The following TMEM131 variants were observed in gnomAD, a reference collection of about 807,000 sequenced individuals.
TMEM131 encodes transmembrane protein 131.
In TMEM131, 66 loss-of-function variants were observed where a neutral mutation model predicts 211.6. The observed-to-expected ratio is 0.31, with a 90% CI of 0.26 to 0.38. The LOEUF (loss-of-function observed/expected upper bound fraction) is 0.38, where lower values mean the gene tolerates loss of function less well. TMEM131 is among the 10% of genes least tolerant of loss of function. The pLI is 1.00. For synonymous variants in TMEM131, 844 were observed against 841.3 expected (o/e 1.00, Z -0.06); for missense variants, 2,036 against 2,299.3 (o/e 0.89, Z 2.34).
At chr2:97,781,072 G>A (rs926664185) in intron 31 of TMEM131, among the ~76,000 whole-genome samples, 1 of 152,136 alleles carries the variant, frequency 6.6e-6, no homozygotes. Flanking sequence ...CAATCATTCG[G>A]GTCTGTCTCT....
intron 1 of TMEM131, among the ~76,000 whole-genome samples, chr2:97,944,451 A>G (rs1414140837): frequency 6.6e-6 from 1 of 152,240 alleles, no homozygotes; most frequent in Non-Finnish European, 1.5e-5. Context: ...GTAAGCAAAG[A>G]CAACACAGAT....
rs75842788 is a variant in TMEM131, at chr2:97,830,592, A to C, written c.1074+2773T>G. 5.9e-5 allele frequency among the ~76,000 whole-genome samples: 9 copies of C among 152,364 alleles called. No homozygotes were observed. In the East Asian group the frequency reaches 1.7e-3, roughly 29 times the overall value. On this transcript the variant is annotated intron_variant, in intron 11 of 40. Transcript: ENST00000186436. ...AATTTGTGTATGAGTTCACTAAAGC[A>C]TATGTTAAGCTGATATTATGATTCC...
chr2:97,912,813 A>G (rs1676340559), intron 2 of TMEM131, among the ~76,000 whole-genome samples: 2 of 152,210 alleles, frequency 1.3e-5, no homozygotes, highest in Non-Finnish European at 2.9e-5. Context: ...TAATCTGAGC[A>G]CAGCTTCTCT....
chr2:97,955,364 G>T (rs985561704), intron 1 of TMEM131, among the ~76,000 whole-genome samples: 1 of 152,092 alleles, frequency 6.6e-6, no homozygotes, highest in Non-Finnish European at 1.5e-5. Context: ...ATACCTTAAT[G>T]GTGAAAGAAT....
chr2:97,959,549 A>G (rs1034352811), intron 1 of TMEM131, among the ~76,000 whole-genome samples: 10 of 145,256 alleles, frequency 6.9e-5, no homozygotes, highest in Admixed American at 1.4e-4. Flanking sequence ...AAAAATATAT[A>G]TATGTCTGCG....
At position 97,811,913 on chromosome 2, in the gene TMEM131, CTT is replaced by C. The variant is rs1462936961; in HGVS notation, c.1863+506_1863+507del. ...GCTGAAACTAATAAATTTGTTTTCTCTTGTTTAGCGCTCTCTGACAACCAACT... is the reference window on the plus strand; with the variant it reads ...GCTGAAACTAATAAATTTGTTTTCTCGTTTAGCGCTCTCTGACAACCAACT... On this transcript the variant is annotated intron_variant, in intron 17 of 40. Transcript: ENST00000186436. Among the ~76,000 whole-genome samples the C allele has an allele frequency of 2.0e-5, 3 of 152,084 alleles. No homozygotes were observed. The East Asian group carries it at 5.8e-4, about 29-fold the overall frequency.
chr2:97,791,777 T>A (rs1680507830), intron 31 of TMEM131, among the ~76,000 whole-genome samples: 2 of 152,174 alleles, frequency 1.3e-5, no homozygotes, highest in African/African-American at 2.4e-5. Flanking sequence ...AGGTAATTAA[T>A]ACAGTAAGCA....
chr2:97,922,563 T>A (rs2104423683), intron 2 of TMEM131, among the ~76,000 whole-genome samples: 1 of 152,082 alleles, frequency 6.6e-6, no homozygotes, highest in African/African-American at 2.4e-5. Context: ...ACAGTTACAC[T>A]CAACACATAA....
intron 1 of TMEM131, among the ~76,000 whole-genome samples, chr2:97,977,397 C>T (rs1679589483): frequency 1.3e-5 from 2 of 152,120 alleles, no homozygotes; most frequent in Admixed American, 1.3e-4. Flanking sequence ...GGCAAATAAG[C>T]ACATGAAAAG....
At chr2:97,866,928 T>A (rs190302954) in intron 4 of TMEM131, among the ~76,000 whole-genome samples, 14 of 152,250 alleles carry the variant, frequency 9.2e-5, no homozygotes, top group Non-Finnish European at 1.8e-4. Context: ...ATTACACTTA[T>A]CAGTTAAGCA....
intron 12 of TMEM131, among the ~76,000 whole-genome samples, chr2:97,818,137 A>C (rs1394558397): frequency 1.3e-5 from 2 of 152,218 alleles, no homozygotes; most frequent in Non-Finnish European, 2.9e-5. Flanking sequence ...TAACTGGACA[A>C]TTCTGTCATA....
At chr2:97,759,243 G>A (rs1257497574) in intron 39 of TMEM131, 190 bp from the exon 40 acceptor site, 14 of 643,524 alleles carry the variant, frequency 2.2e-5, no homozygotes, top group South Asian at 5.9e-5. Flanking sequence ...CATAGTGCAC[G>A]AGCTGATATG....
chr2:97,902,782 C>T (rs1675910667), intron 3 of TMEM131, among the ~76,000 whole-genome samples: 2 of 152,112 alleles, frequency 1.3e-5, no homozygotes, highest in South Asian at 4.1e-4. Context: ...CTGGTGGGCA[C>T]AATCTAATCA....
chr2:97,928,700 G>C (rs1677092488), intron 1 of TMEM131, among the ~76,000 whole-genome samples: 1 of 151,696 alleles, frequency 6.6e-6, no homozygotes, highest in Non-Finnish European at 1.5e-5. Flanking sequence ...TTTCCCATGG[G>C]AGTTTGGGTT....
chr2:97,848,038 GAATT>G (rs1683530334), intron 5 of TMEM131, among the ~76,000 whole-genome samples: 1 of 152,092 alleles, frequency 6.6e-6, no homozygotes, highest in African/African-American at 2.4e-5. Flanking sequence ...CTAATTCTAA[GAATT>G]AATATAAAGC....
chr2:97,874,912 GAC>G (rs1264653830), intron 4 of TMEM131, among the ~76,000 whole-genome samples: 4 of 152,064 alleles, frequency 2.6e-5, no homozygotes, highest in Admixed American at 6.6e-5. Context: ...CCCAATTAAA[GAC>G]ACAGACTGGC....
intron 1 of TMEM131, among the ~76,000 whole-genome samples, chr2:97,950,652 C>T (rs114180239): frequency 0.029 from 4,388 of 151,770 alleles, 80 homozygotes; most frequent in Middle Eastern, 0.065. Flanking sequence ...TTTTTAATTA[C>T]GGGTTTCTCA....
rs770432398 is a variant in TMEM131 at position 97,832,004 on chromosome 2, C to CAAAAAAAAA, written c.1074+1352_1074+1360dup. On this transcript the variant is annotated intron_variant, in intron 11 of 40. Coordinates refer to ENST00000186436, the MANE Select transcript of TMEM131 (RefSeq NM_015348.2). ...TTTTTATAGTTGTGTAAGTCACTTC[C>CAAAAAAAAA]AAAAAAAAAAAAAAAAAAAAAAGCA... 9.8e-3 allele frequency among the ~76,000 whole-genome samples: 592 copies of CAAAAAAAAA among 60,230 alleles called. 67 individuals are homozygous for CAAAAAAAAA. Among genetic ancestry groups the CAAAAAAAAA allele is most frequent in the African/African-American group, 0.011 (150 of 14,038 alleles). 39.5% of individuals were successfully genotyped at this position (60,230 alleles called of 152,430 possible). A position where few individuals can be genotyped will look rare whatever the true frequency, so the allele number is the denominator to read the frequency against.
chr2:97,784,566 C>A (rs1242748740), intron 31 of TMEM131, among the ~76,000 whole-genome samples: 2 of 151,870 alleles, frequency 1.3e-5, no homozygotes, highest in African/African-American at 4.8e-5. Flanking sequence ...ACTGAAAGTT[C>A]CATATATCAA....
Sources: gnomAD v4.1 joint callset for allele counts (sites outside exome capture counted in the v4.1 genomes callset) on GRCh38, gnomAD v4.1.1 for gene constraint, MANE v1.5 for transcripts, NCBI Gene and HGNC (gene_info 2026-07-23, HGNC 2026-07-21) for gene names.